MYO7A: variants seen among roughly 807,000 people sequenced by gnomAD.
MYO7A encodes myosin VIIA, also known as unconventional myosin-VIIa.
MYO7A carries 210 observed loss-of-function variants against 263.8 expected under a neutral mutation model. The ratio of observed to expected loss-of-function variants is 0.80; its 90% CI spans 0.71 to 0.89. The LOEUF (loss-of-function observed/expected upper bound fraction) is 0.89, where lower values mean the gene tolerates loss of function less well. Among genes scored for constraint, MYO7A ranks in the 40% least tolerant of loss-of-function variants. The pLI is 0.00. For missense variants in MYO7A, 2,820 were observed against 2,968.3 expected (o/e 0.95, Z 1.16); for synonymous variants, 1,239 against 1,197.3 (o/e 1.03, Z -0.72).
At chr11:77,170,021 A>G (rs7122221) in intron 15 of MYO7A, among the ~76,000 whole-genome samples, 54,293 of 152,144 alleles carry the variant, frequency 0.36, 10,856 homozygotes, top group African/African-American at 0.52. Flanking sequence ...CAATGAGCCA[A>G]GATCGTACCA....
intron 46 of MYO7A, 49 bp from the exon 47 acceptor site, chr11:77,212,903 T>G: frequency 7.0e-7 from 1 of 1,419,336 alleles, no homozygotes; most frequent in Non-Finnish European, 9.8e-7. Flanking sequence ...CCCCAAATGC[T>G]TTTCTTGCTC....
At chr11:77,180,543 C>A in intron 22 of MYO7A, 62 bp downstream of exon 22, 1 of 1,420,196 alleles carries the variant, frequency 7.0e-7, no homozygotes, top group Non-Finnish European at 9.7e-7. Context: ...CTCCCCGAGG[C>A]TGGCTTCTCA....
intron 2 of MYO7A, among the ~76,000 whole-genome samples, chr11:77,140,633 G>A (rs964169408): frequency 6.6e-6 from 1 of 152,232 alleles, no homozygotes; most frequent in East Asian, 1.9e-4. Flanking sequence ...AGGCCAGTGG[G>A]GAAGGGGAGC....
Position 77,211,292 on chromosome 11 carries a change from GC to G in MYO7A, c.6196del (p.Gln2066ArgfsTer36), listed in dbSNP as rs1472611150. The G allele has an allele frequency of 6.3e-7, 1 of 1,582,750 alleles. No homozygotes were observed. The highest frequency in any genetic ancestry group is 8.6e-7 in the Non-Finnish European group (1 of 1,164,750). On this transcript the variant is annotated frameshift_variant, in exon 45 of 49. Transcript: ENST00000409709. LOFTEE classifies it high-confidence loss of function. ...SIPKLLRELV[P>X]QDLIRQVSPD... ...TCCCCAAGCTGCTGCGGGAGCTGGT[GC>G]CCCAGGACCTTATCCGGCAGGTCTC...
chr11:77,162,752 G>A (rs1953116490), intron 13 of MYO7A, 101 bp from the exon 14 acceptor site: 1 of 1,472,240 alleles, frequency 6.8e-7, no homozygotes, highest in Non-Finnish European at 9.1e-7. Flanking sequence ...AAAAGGAGGG[G>A]AAGCTCCTGA....
chr11:77,150,615 G>C (rs1555056671), intron 4 of MYO7A, among the ~76,000 whole-genome samples: 3 of 152,188 alleles, frequency 2.0e-5, no homozygotes, highest in Non-Finnish European at 4.4e-5. Context: ...GGAGGAGGCA[G>C]GGCCGTCCCC....
At chr11:77,162,794 G>A in intron 13 of MYO7A, 59 bp from the exon 14 acceptor site, 1 of 1,582,484 alleles carries the variant, frequency 6.3e-7, no homozygotes. Context: ...CATGGGCAGG[G>A]AGGGGAGTGG....
chr11:77,189,944 G>A (rs1050086400), intron 28 of MYO7A, 76 bp from the exon 29 acceptor site: 38 of 1,447,234 alleles, frequency 2.6e-5, no homozygotes, highest in African/African-American at 2.3e-4. Context: ...TCCAAGTGCC[G>A]GGAGGGCCTG....
At position 77,179,920 on chromosome 11, in the gene MYO7A, C is replaced by G. The variant is rs986413500; in HGVS notation, c.2553C>G (p.Ile851Met). The G allele has an allele frequency of 3.9e-6, 6 of 1,532,564 alleles. No homozygotes were observed. Among genetic ancestry groups the G allele is most frequent in the African/African-American group, 1.4e-5 (1 of 72,886 alleles). 94.9% of individuals were successfully genotyped at this position (1,532,564 alleles called of 1,614,324 possible). A position where few individuals can be genotyped will look rare whatever the true frequency, so the allele number is the denominator to read the frequency against. The part of the protein sequence containing the change: ...LTVQAYARGM[I>M]ARRLHQRLRA... ...TGCAGGCCTATGCCCGGGGCATGAT[C>G]GCCCGCAGGCTGCACCAACGCCTCA... The change falls in exon 21 of 49, where the codon ATC becomes ATG. Residue 851 changes from isoleucine (I) to methionine (M), a missense_variant. By Grantham distance (10) the Ile-to-Met change is conservative (BLOSUM62 1). Transcript: ENST00000409709.
rs1288157050 is a variant in MYO7A at position 77,190,038 on chromosome 11, C to A, written c.3649C>A (p.His1217Asn). The A allele has an allele frequency of 6.4e-7, 1 of 1,558,406 alleles. No homozygotes were observed. Among genetic ancestry groups the A allele is most frequent in the South Asian group, 1.2e-5 (1 of 84,468 alleles). Residue 1217 changes from histidine to asparagine, a missense_variant, in exon 29 of 49, where the codon CAC (histidine) becomes AAC (asparagine). Transcript: ENST00000409709. ...GCTGCAGTACCTGCGGAACTTCATC[C>A]ACGGGGGCCCGCCCGGCTACGCCCC... is the stretch of plus-strand genomic sequence containing the variant. ...KFVKYLRNFIHGGPPGYAPYC... is the reference protein window; with the variant it reads ...KFVKYLRNFINGGPPGYAPYC...
intron 21 of MYO7A, 121 bp from the exon 22 acceptor site, chr11:77,180,252 AC>A: frequency 1.1e-6 from 1 of 928,722 alleles, no homozygotes; most frequent in Non-Finnish European, 1.7e-6. Flanking sequence ...TGATTACCTC[AC>A]TTGTCCTATC....
chr11:77,142,319 G>A (rs1335793524), intron 2 of MYO7A, among the ~76,000 whole-genome samples: 1 of 152,224 alleles, frequency 6.6e-6, no homozygotes, highest in Non-Finnish European at 1.5e-5. Context: ...CACTGTCTGG[G>A]TGTCCTGTGG....
In MYO7A at chr11:77,204,160, T is replaced by G. The variant is rs1957276431; in HGVS notation, c.5411T>G (p.Leu1804Arg). 2 of 1,593,302 alleles carry G rather than the reference T, an allele frequency of 1.3e-6. No individual in the cohort carries two copies. Residue 1804 changes from leucine to arginine, a missense_variant, in exon 39 of 49, where the codon CTG (leucine) becomes CGG (arginine). Physicochemically the swap from Leu to Arg is moderately radical, Grantham distance 102. Transcript: ENST00000409709. ...ACCGACCAGATCTTTGAGGGTCCCCTGAAAGCCGAGCCCCTGAAGGACGAG... is the reference window on the plus strand; with the variant it reads ...ACCGACCAGATCTTTGAGGGTCCCCGGAAAGCCGAGCCCCTGAAGGACGAG... Reference protein sequence around the residue: ...ELTDQIFEGPLKAEPLKDEAY... With the variant: ...ELTDQIFEGPRKAEPLKDEAY...
chr11:77,205,392 C>G, intron 39 of MYO7A, 70 bp from the exon 40 acceptor site: 1 of 1,504,554 alleles, frequency 6.6e-7, no homozygotes, highest in Non-Finnish European at 8.9e-7. Context: ...GCCCCCTCAC[C>G]CGGGGGTGCA....
In MYO7A at chr11:77,179,941, C is replaced by T. The variant is rs1555083013; in HGVS notation, c.2574C>T (p.Arg858=). The T allele has an allele frequency of 6.5e-7, 1 of 1,527,076 alleles. No individual in the cohort carries two copies. Among genetic ancestry groups the T allele is most frequent in the Non-Finnish European group, 8.8e-7 (1 of 1,138,504 alleles). 94.6% of individuals were successfully genotyped at this position (1,527,076 alleles called of 1,614,324 possible). The change falls in exon 21 of 49, where the codon CGC becomes CGT. Residue 858 remains arginine (R), a synonymous_variant. Transcript: ENST00000409709. ...TGATCGCCCGCAGGCTGCACCAACG[C>T]CTCAGGGCTGAGGTGAGGGAGCAAG... The part of the protein sequence containing the change: ...RGMIARRLHQ[R]LRAEYLWRLE...
intron 30 of MYO7A, chr11:77,191,129 G>A: frequency 5.5e-6 from 2 of 362,032 alleles, no homozygotes; most frequent in South Asian, 6.2e-5. Context: ...AGACCAGCCT[G>A]GCTAATGTAG....
chr11:77,181,776 TTTG>T (rs1565411645), intron 23 of MYO7A, among the ~76,000 whole-genome samples, 172 bp from the exon 24 acceptor site: 4 of 119,424 alleles, frequency 3.3e-5, no homozygotes, highest in African/African-American at 1.2e-4. Context: ...AGTTTTTTTT[TTTG>T]TTTTTTTTTT....
rs1354504332 is a variant in MYO7A, at chr11:77,203,056, G to A, written c.5169-4G>A. 7 of 1,547,534 alleles carry A rather than the reference G, an allele frequency of 4.5e-6. No individual in the cohort carries two copies. Among genetic ancestry groups the A allele is most frequent in the Non-Finnish European group, 6.1e-6 (7 of 1,146,504 alleles). On this transcript the variant is annotated splice_region_variant and splice_polypyrimidine_tract_variant and intron_variant, in intron 37 of 48. Transcript: ENST00000409709. Reference sequence around the variant, plus strand: ...CGTTGCTGACGGTCCCTGTGCTGCGGCAGGCCCCCACCCAAGCACACGCTG... The same window carrying A: ...CGTTGCTGACGGTCCCTGTGCTGCGACAGGCCCCCACCCAAGCACACGCTG...
At chr11:77,152,487 C>T (rs1301333379) in intron 4 of MYO7A, among the ~76,000 whole-genome samples, 6 of 152,234 alleles carry the variant, frequency 3.9e-5, no homozygotes, top group Admixed American at 3.9e-4. Flanking sequence ...AGGGTTACTT[C>T]TCCCTCCTCC....
Sources: allele counts gnomAD v4.1 joint callset (sites outside exome capture counted in the v4.1 genomes callset), GRCh38; gene constraint gnomAD v4.1.1; transcripts MANE v1.5; gene names NCBI Gene and HGNC (gene_info 2026-07-23, HGNC 2026-07-21).